Variants in LHX8 observed in about 807,000 individuals in gnomAD.
LHX8 encodes the protein LIM homeobox 8.
LHX8 carries 12 observed loss-of-function variants against 40.3 expected under a neutral mutation model. That is an observed-to-expected ratio of 0.30 (90% CI 0.19 to 0.48). The LOEUF (loss-of-function observed/expected upper bound fraction) is 0.48. LHX8 is among the 20% of genes least tolerant of loss of function. The pLI, the probability that LHX8 is intolerant of heterozygous loss-of-function variation, is 0.99. For missense variants in LHX8, 344 were observed against 433.7 expected, an observed-to-expected ratio of 0.79 and a Z score of 1.84; for synonymous variants, 179 against 162.0, an observed-to-expected ratio of 1.10 and a Z score of -0.80.
chr1:75,137,343 C>G (rs1451422784), intron 3 of LHX8, 82 bp downstream of exon 3: 1 of 1,398,096 alleles, frequency 7.2e-7, no homozygotes, highest in East Asian at 2.3e-5. Context: ...GTTCCTCCCA[C>G]CAACCTTTCC....
intron 8 of LHX8, 121 bp downstream of exon 8, chr1:75,157,197 TGTG>T (rs547552341): frequency 7.5e-4 from 856 of 1,140,668 alleles, no homozygotes; most frequent in Non-Finnish European, 9.7e-4. Flanking sequence ...TGAAAAATAT[TGTG>T]GGGGGTGCAG....
At chr1:75,130,874 G>C, upstream of LHX8, 1 of 853,554 alleles carries the variant, frequency 1.2e-6, no homozygotes, top group Non-Finnish European at 2.0e-6. Flanking sequence ...CACAGTTTCA[G>C]AGTGGTTTTA....
chr1:75,186,575 A>T, the LHX8 span, among the ~76,000 whole-genome samples: 3 of 152,170 alleles, frequency 2.0e-5, no homozygotes, highest in Non-Finnish European at 4.4e-5. Flanking sequence ...TCTCTTACTT[A>T]GGGTATAGGA....
At chr1:75,185,494 G>T in the LHX8 span, among the ~76,000 whole-genome samples, 1 of 151,564 alleles carries the variant, frequency 6.6e-6, no homozygotes, top group South Asian at 2.1e-4. Flanking sequence ...AGAACTGAAG[G>T]CAAAACACAT....
the LHX8 span, among the ~76,000 whole-genome samples, chr1:75,193,661 A>C: frequency 2.0e-5 from 3 of 152,216 alleles, no homozygotes; most frequent in Non-Finnish European, 1.5e-5. Flanking sequence ...TCTCTTCACA[A>C]TATAACTCCA....
intron 7 of LHX8, among the ~76,000 whole-genome samples, chr1:75,150,934 C>T (rs1479921389): frequency 6.6e-6 from 1 of 151,996 alleles, no homozygotes; most frequent in African/African-American, 2.4e-5. Flanking sequence ...CTCAGCCTTC[C>T]AAAGTGACGG....
chr1:75,141,171 A>G, intron 4 of LHX8, 65 bp downstream of exon 4: 1 of 1,554,098 alleles, frequency 6.4e-7, no homozygotes, highest in East Asian at 2.3e-5. Context: ...GACTTTTGTA[A>G]TAGGCTTTTT....
chr1:75,186,745 G>A, the LHX8 span, among the ~76,000 whole-genome samples: 1 of 152,086 alleles, frequency 6.6e-6, no homozygotes, highest in Non-Finnish European at 1.5e-5. Context: ...TTTCCTGAGT[G>A]CCAACATACA....
chr1:75,166,673 C>G, the LHX8 span, among the ~76,000 whole-genome samples: 1 of 152,164 alleles, frequency 6.6e-6, no homozygotes, highest in Non-Finnish European at 1.5e-5. Flanking sequence ...CATCATTTGT[C>G]TTTCAGAAGA....
At chr1:75,185,638 A>G in the LHX8 span, among the ~76,000 whole-genome samples, 2 of 152,214 alleles carry the variant, frequency 1.3e-5, no homozygotes, top group African/African-American at 2.4e-5. Context: ...CCAGTGCAAG[A>G]CAAGTATGCC....
At chr1:75,170,398 A>G in the LHX8 span, among the ~76,000 whole-genome samples, 2 of 152,158 alleles carry the variant, frequency 1.3e-5, no homozygotes, top group African/African-American at 2.4e-5. Context: ...GACAAAAACA[A>G]AAGCAAAAAC....
chr1:75,156,864 C>T, intron 7 of LHX8, 29 bp from the exon 8 acceptor site: 1 of 1,612,164 alleles, frequency 6.2e-7, no homozygotes, highest in Non-Finnish European at 8.5e-7. Context: ...TGTAACCTAC[C>T]TACTTCTGTT....
chr1:75,136,840 G>GGGC, intron 2 of LHX8, 151 bp downstream of exon 2: 1 of 448,662 alleles, frequency 2.2e-6, no homozygotes, highest in Admixed American at 3.0e-5. Context: ...GGTGGGGTGG[G>GGGC]AAGCTTAGCT....
At chr1:75,148,736 T>G in intron 7 of LHX8, 54 bp downstream of exon 7, 1 of 1,233,090 alleles carries the variant, frequency 8.1e-7, no homozygotes. Flanking sequence ...AGATATTGGG[T>G]CTCCCTATGT....
chr1:75,134,154 A>G (rs1035792377), upstream of LHX8, among the ~76,000 whole-genome samples: 5 of 152,108 alleles, frequency 3.3e-5, no homozygotes, highest in South Asian at 2.1e-4. Context: ...TTTTAAAGTC[A>G]AGTTAACAGG....
At chr1:75,142,302 A>G (rs1164218963) in intron 4 of LHX8, among the ~76,000 whole-genome samples, 1 of 152,174 alleles carries the variant, frequency 6.6e-6, no homozygotes, top group Non-Finnish European at 1.5e-5. Context: ...GTATCTGTCA[A>G]TAAATAGACA....
intron 7 of LHX8, among the ~76,000 whole-genome samples, chr1:75,152,858 TTC>T (rs1243683377): frequency 6.6e-6 from 1 of 152,186 alleles, no homozygotes; most frequent in Non-Finnish European, 1.5e-5. Flanking sequence ...TTGATTTTAT[TTC>T]TGTTTCTTAT....
chr1:75,140,125 G>A lies in LHX8; in HGVS notation c.238-860G>A, dbSNP rs140982041. Among the ~76,000 whole-genome samples, 12 of 152,302 alleles carry A rather than the reference G, an allele frequency of 7.9e-5. No homozygotes were observed. In the East Asian group the frequency reaches 2.3e-3, roughly 29 times the overall value. ...CTCCAGGGCTAAAGTTGTAGCGCTT[G>A]TAATATAATGGCAACAGTTTAAAGT... On this transcript the variant is annotated intron_variant, in intron 3 of 8. Coordinates refer to ENST00000356261, the MANE Select transcript of LHX8 (RefSeq NM_001256114.2).
At chr1:75,167,966 C>G in the LHX8 span, among the ~76,000 whole-genome samples, 1 of 152,168 alleles carries the variant, frequency 6.6e-6, no homozygotes, top group Non-Finnish European at 1.5e-5. Context: ...CTGAGTTACC[C>G]AAATTGGCTG....
Sources: gnomAD v4.1 joint callset for allele counts (sites outside exome capture counted in the v4.1 genomes callset) on GRCh38, gnomAD v4.1.1 for gene constraint, MANE v1.5 for transcripts, NCBI Gene and HGNC (gene_info 2026-07-23, HGNC 2026-07-21) for gene names.